The following DGKI variants were observed in gnomAD, a reference collection of about 807,000 sequenced individuals.
DGKI encodes DAG kinase iota.
A neutral mutation model predicts 147.5 loss-of-function variants in DGKI; 55 were observed. The observed-to-expected ratio is 0.37, with a 90% CI of 0.30 to 0.47. DGKI has a LOEUF of 0.47. Among genes scored for constraint, DGKI ranks in the 20% least tolerant of loss-of-function variants. DGKI has a pLI of 1.00. For synonymous variants in DGKI, 469 were observed against 477.1 expected (o/e 0.98, Z 0.22); for missense variants, 1,007 against 1,323.8 (o/e 0.76, Z 3.71).
intron 6 of DGKI, among the ~76,000 whole-genome samples, chr7:137,637,650 T>G (rs931140347): frequency 2.0e-5 from 3 of 152,248 alleles, no homozygotes; most frequent in Non-Finnish European, 2.9e-5. Flanking sequence ...GCTCCAATTA[T>G]TAATCAGCAG....
At position 137,413,277 on chromosome 7, in the gene DGKI, A is replaced by T. The variant is rs953674772; in HGVS notation, c.2762-1070T>A. On this transcript the variant is annotated intron_variant, in intron 28 of 32. Coordinates refer to ENST00000614521, the MANE Select transcript of DGKI (RefSeq NM_001321708.2). ...TGAGACTCCATCTCAAAAAAAAAAAAAAAAAAAAAATTCATTTTTATTTTA... is the reference window on the plus strand; with the variant it reads ...TGAGACTCCATCTCAAAAAAAAAAATAAAAAAAAAATTCATTTTTATTTTA... 2.0e-5 allele frequency among the ~76,000 whole-genome samples: 3 copies of T among 152,172 alleles called. No homozygotes were observed. In the East Asian group the frequency reaches 5.8e-4, roughly 29 times the overall value.
At chr7:137,588,637 G>T (rs905222713) in intron 12 of DGKI, among the ~76,000 whole-genome samples, 2 of 151,810 alleles carry the variant, frequency 1.3e-5, no homozygotes, top group Non-Finnish European at 2.9e-5. Context: ...CCACCACGCC[G>T]GGCGAATTTT....
chr7:137,471,640 T>C (rs987866609), intron 23 of DGKI, among the ~76,000 whole-genome samples: 1 of 152,036 alleles, frequency 6.6e-6, no homozygotes, highest in African/African-American at 2.4e-5. Context: ...AGGATGTATG[T>C]GAAAGAACCT....
chr7:137,692,178 ACTT>A (rs1351593674), intron 1 of DGKI, among the ~76,000 whole-genome samples: 3 of 152,078 alleles, frequency 2.0e-5, no homozygotes, highest in African/African-American at 7.2e-5. Context: ...TGTTGAAGGA[ACTT>A]CTTTAGCATT....
chr7:137,635,817 G>C (rs1035666012), intron 6 of DGKI, among the ~76,000 whole-genome samples: 20 of 152,336 alleles, frequency 1.3e-4, no homozygotes, highest in African/African-American at 4.6e-4. Context: ...AAACCAGTGA[G>C]AGAAAGTAAC....
At chr7:137,719,614 A>G (rs1237112382) in intron 1 of DGKI, among the ~76,000 whole-genome samples, 1 of 152,164 alleles carries the variant, frequency 6.6e-6, no homozygotes, top group Non-Finnish European at 1.5e-5. Flanking sequence ...TGCTATCAGA[A>G]TCACCTGGGT....
chr7:137,562,733 T>G (rs1166493389), intron 19 of DGKI, among the ~76,000 whole-genome samples: 1 of 152,160 alleles, frequency 6.6e-6, no homozygotes, highest in Non-Finnish European at 1.5e-5. Flanking sequence ...CTTAATAAAG[T>G]TGACTCAAGA....
At chr7:137,706,494 TATTTTATTTTATTTTATTTC>T (rs1013181870) in intron 1 of DGKI, among the ~76,000 whole-genome samples, 2 of 150,074 alleles carry the variant, frequency 1.3e-5, no homozygotes, top group Non-Finnish European at 1.5e-5. Context: ...TATTTTATTT[TATTTTATTTTATTTTATTTC>T]ATTTTATTTT....
At chr7:137,822,987 T>C (rs1455078429) in intron 1 of DGKI, among the ~76,000 whole-genome samples, 2 of 151,704 alleles carry the variant, frequency 1.3e-5, no homozygotes, top group Non-Finnish European at 2.9e-5. Flanking sequence ...AGTAGATACA[T>C]TGGCTATTTA....
intron 2 of DGKI, among the ~76,000 whole-genome samples, chr7:137,688,360 C>T (rs1028749436): frequency 6.6e-6 from 1 of 152,184 alleles, no homozygotes; most frequent in African/African-American, 2.4e-5. Context: ...GCTGGCTGCA[C>T]AGTTTACAAA....
chr7:137,846,427 C>T lies in DGKI; in HGVS notation c.401+35G>A. 6.6e-7 allele frequency: 1 copy of T among 1,513,088 alleles called. No homozygotes were observed. Among genetic ancestry groups the T allele is most frequent in the East Asian group, 2.6e-5 (1 of 38,604 alleles). 93.7% of individuals were successfully genotyped at this position (1,513,088 alleles called of 1,614,324 possible). ...TAGAAGAGTGGGTCTCCCGCCGCGG[C>T]GCACCTGTCTCGGCTGCCGGCTCCC... On this transcript the variant is annotated intron_variant, in intron 1 of 32. Transcript: ENST00000614521. The surrounding 1 kb of genome is among the most constrained non-coding windows in gnomAD (Gnocchi z 4.0).
At chr7:137,754,073 G>A (rs1196459433) in intron 1 of DGKI, among the ~76,000 whole-genome samples, 1 of 152,130 alleles carries the variant, frequency 6.6e-6, no homozygotes, top group Non-Finnish European at 1.5e-5. Flanking sequence ...TAGAATCCAA[G>A]AGGGGTCATG....
intron 28 of DGKI, among the ~76,000 whole-genome samples, chr7:137,435,137 T>G (rs901912674): frequency 1.3e-5 from 2 of 152,202 alleles, no homozygotes; most frequent in African/African-American, 4.8e-5. Flanking sequence ...TGCAGCAAAT[T>G]TAACAGTAAG....
intron 6 of DGKI, among the ~76,000 whole-genome samples, chr7:137,636,249 AC>A (rs1329733302): frequency 1.3e-5 from 2 of 152,228 alleles, no homozygotes; most frequent in Non-Finnish European, 2.9e-5. Flanking sequence ...CAGGTAGGTC[AC>A]CTAGACCAGA....
In DGKI at chr7:137,846,134, TTC is replaced by T. The variant is rs775814446; in HGVS notation, c.401+326_401+327del. 0.012 allele frequency among the ~76,000 whole-genome samples: 1,049 copies of T among 85,364 alleles called. 8 individuals are homozygous for T. Among genetic ancestry groups the T allele is most frequent in the Middle Eastern group, 0.067 (9 of 134 alleles). 56.0% of individuals were successfully genotyped at this position (85,364 alleles called of 152,430 possible). A position where few individuals can be genotyped will look rare whatever the true frequency, so the allele number is the denominator to read the frequency against. On this transcript the variant is annotated intron_variant, in intron 1 of 32. Coordinates refer to ENST00000614521, the MANE Select transcript of DGKI (RefSeq NM_001321708.2). The surrounding 1 kb of genome is among the most constrained non-coding windows in gnomAD (Gnocchi z 4.0). ...TCTGCAACCCTTTCTCTCTCTCTCTTTCTCTCTCTCTCTCTCTCTCTCTCTCT... is the reference window on the plus strand; with the variant it reads ...TCTGCAACCCTTTCTCTCTCTCTCTTTCTCTCTCTCTCTCTCTCTCTCTCT...
At chr7:137,594,811 T>C (rs370623320) in intron 12 of DGKI, among the ~76,000 whole-genome samples, 4 of 152,366 alleles carry the variant, frequency 2.6e-5, no homozygotes, top group African/African-American at 7.2e-5. Context: ...AAACATTTCA[T>C]ATACCCCATG....
At chr7:137,768,267 T>C (rs749189672) in intron 1 of DGKI, among the ~76,000 whole-genome samples, 17 of 152,162 alleles carry the variant, frequency 1.1e-4, no homozygotes, top group Non-Finnish European at 1.8e-4. Context: ...CAAATGATCA[T>C]AGTATAAACA....
At chr7:137,405,587 A>G (rs1731941) in intron 30 of DGKI, among the ~76,000 whole-genome samples, 150,584 of 152,322 alleles carry the variant, frequency 0.99, 74,449 homozygotes, top group East Asian at 1. Flanking sequence ...TTCACAGCTC[A>G]TGCCATCAAA....
At chr7:137,587,270 C>A in intron 12 of DGKI, 60 bp from the exon 13 acceptor site, 2 of 1,356,030 alleles carry the variant, frequency 1.5e-6, no homozygotes, top group Non-Finnish European at 2.0e-6. Flanking sequence ...ACAAAGAAAA[C>A]AGTTTGAGAA....
Sources: gnomAD v4.1 joint callset for allele counts (sites outside exome capture counted in the v4.1 genomes callset) on GRCh38, gnomAD v4.1.1 for gene constraint, Gnocchi (gnomAD v3.1) non-coding constraint, MANE v1.5 for transcripts, NCBI Gene and HGNC (gene_info 2026-07-23, HGNC 2026-07-21) for gene names.